The following OR6B1 variants were observed in gnomAD, a reference collection of about 807,000 sequenced individuals.
OR6B1 encodes olfactory receptor family 6 subfamily B member 1.
A neutral mutation model predicts 15.4 loss-of-function variants in OR6B1; 15 were observed. The ratio of observed to expected loss-of-function variants is 0.97; its 90% CI spans 0.65 to 1.50. The LOEUF (loss-of-function observed/expected upper bound fraction) is 1.50, where lower values mean the gene tolerates loss of function less well. Ranked by LOEUF, OR6B1 falls within the 40% of genes most tolerant of loss-of-function variation. OR6B1 has a pLI of 0.00. For missense variants in OR6B1, 384 were observed against 385.0 expected, an observed-to-expected ratio of 1.00 and a Z score of 0.02; for synonymous variants, 139 against 144.9, an observed-to-expected ratio of 0.96 and a Z score of 0.29.
rs1174070438 is a variant in OR6B1, at chr7:144,007,061, A to G, written c.*2129A>G. The G allele has an allele frequency of 6.6e-6, 1 of 152,228 alleles. No homozygotes were observed. Among genetic ancestry groups the G allele is most frequent in the African/African-American group, 2.4e-5 (1 of 41,454 alleles). 9.4% of individuals were successfully genotyped at this position (152,228 alleles called of 1,614,324 possible). ...ACTCCACATACTATAGTTATAGTTA[A>G]CCTGGGAGGCTACAACTATCAGAGG... On this transcript the variant is annotated 3_prime_UTR_variant, in exon 2 of 2. Coordinates refer to ENST00000641698, the MANE Select transcript of OR6B1 (RefSeq NM_001005281.3).
At chr7:144,003,773 TCA>T (rs766413477) in intron 1 of OR6B1, among the ~76,000 whole-genome samples, 197 bp from the exon 2 acceptor site, 3,102 of 139,976 alleles carry the variant, frequency 0.022, 65 homozygotes, top group African/African-American at 0.052. Flanking sequence ...ACAGATACAA[TCA>T]CACACACACA....
intron 1 of OR6B1, 111 bp from the exon 2 acceptor site, chr7:144,003,861 G>C (rs1455809808): frequency 1.6e-6 from 1 of 640,130 alleles, no homozygotes; most frequent in African/African-American, 1.8e-5. Flanking sequence ...CCAGTTCATG[G>C]TCTGACCTGT....
chr7:144,003,835 T>A (rs908008501), intron 1 of OR6B1, 137 bp from the exon 2 acceptor site: 4 of 600,244 alleles, frequency 6.7e-6, no homozygotes, highest in Non-Finnish European at 1.2e-5. Context: ...TAAATTACGT[T>A]GTGTGCCTCA....
rs907387183 is a variant in OR6B1 at position 144,003,135 on chromosome 7, T to C, written c.-25-837T>C. On this transcript the variant is annotated intron_variant, in intron 1 of 1. Transcript: ENST00000641698. ...AATGAGCCCATGTTTACTTTGCTCA[T>C]GGCTTTGCCTTGGATCACAGCAGAT... Among the ~76,000 whole-genome samples the C allele has an allele frequency of 4.6e-5, 7 of 152,334 alleles. No individual in the cohort carries two copies. In the South Asian group the frequency reaches 8.3e-4, roughly 18 times the overall value.
Position 144,005,107 on chromosome 7 carries a change from G to C in OR6B1, c.*175G>C, listed in dbSNP as rs1563012861. ...TCTGTGCATATGGTCAGTGCTCTAA[G>C]GCCATACACCTTCTAGAGAGCTAGA... On this transcript the variant is annotated 3_prime_UTR_variant, in exon 2 of 2. Transcript: ENST00000641698. The C allele has an allele frequency of 1.7e-6, 1 of 578,940 alleles. No homozygotes were observed. Among genetic ancestry groups the C allele is most frequent in the Non-Finnish European group, 3.0e-6 (1 of 329,576 alleles). 35.9% of individuals were successfully genotyped at this position (578,940 alleles called of 1,614,324 possible).
chr7:144,004,608 G>A lies in OR6B1; in HGVS notation c.612G>A (p.Leu204=). The A allele has an allele frequency of 6.2e-7, 1 of 1,614,180 alleles. No homozygotes were observed. Among genetic ancestry groups the A allele is most frequent in the Non-Finnish European group, 8.5e-7 (1 of 1,180,030 alleles). ...ITELVDFILA[L]VIFLFPLFIT... is the part of the protein sequence containing the mutation. Reference sequence around the variant, plus strand: ...AGTTGGTAGACTTTATCCTGGCACTGGTCATCTTCCTATTCCCACTCTTTA... The same window carrying A: ...AGTTGGTAGACTTTATCCTGGCACTAGTCATCTTCCTATTCCCACTCTTTA... The change falls in exon 2 of 2, where the codon CTG becomes CTA. Residue 204 remains leucine (L), a synonymous_variant. Coordinates refer to ENST00000641698, the MANE Select transcript of OR6B1 (RefSeq NM_001005281.3).
rs10245538 is a variant in OR6B1 at position 144,008,441 on chromosome 7, T to C, written c.*3509T>C. The C allele has an allele frequency of 0.41, 62,984 of 151,988 alleles. 13,825 individuals carry two copies. Among genetic ancestry groups the C allele is most frequent in the East Asian group, 0.58 (2,985 of 5,150 alleles). 9.4% of individuals were successfully genotyped at this position (151,988 alleles called of 1,614,324 possible). A position where few individuals can be genotyped will look rare whatever the true frequency, so the allele number is the denominator to read the frequency against. Reference sequence around the variant, plus strand: ...TATGTTTGAGGGACATTGAAGAGACTGAGCAGCCAGAGCAGTGAGAAAAGG... The same window carrying C: ...TATGTTTGAGGGACATTGAAGAGACCGAGCAGCCAGAGCAGTGAGAAAAGG... On this transcript the variant is annotated 3_prime_UTR_variant, in exon 2 of 2. Coordinates refer to ENST00000641698, the MANE Select transcript of OR6B1 (RefSeq NM_001005281.3).
chr7:144,003,042 T>C (rs1367630477), intron 1 of OR6B1, among the ~76,000 whole-genome samples: 1 of 152,146 alleles, frequency 6.6e-6, no homozygotes, highest in Non-Finnish European at 1.5e-5. Context: ...TCTATCTTTG[T>C]TTGCTTGTCT....
rs1439550593 is a variant in OR6B1, at chr7:144,006,606, G to T, written c.*1674G>T. The T allele has an allele frequency of 6.6e-6, 1 of 152,096 alleles. No individual in the cohort carries two copies. 9.4% of individuals were successfully genotyped at this position (152,096 alleles called of 1,614,324 possible). A position where few individuals can be genotyped will look rare whatever the true frequency, so the allele number is the denominator to read the frequency against. On this transcript the variant is annotated 3_prime_UTR_variant, in exon 2 of 2. Coordinates refer to ENST00000641698, the MANE Select transcript of OR6B1 (RefSeq NM_001005281.3). Reference sequence around the variant, plus strand: ...ATTTAAAATCTAGACACACAAAAAAGAGATTATTTTCTGAAAACTTCAAAT... The same window carrying T: ...ATTTAAAATCTAGACACACAAAAAATAGATTATTTTCTGAAAACTTCAAAT...
intron 1 of OR6B1, among the ~76,000 whole-genome samples, chr7:144,003,720 GTTAC>G (rs2050599427): frequency 6.6e-6 from 1 of 151,132 alleles, no homozygotes; most frequent in African/African-American, 2.4e-5. Flanking sequence ...AACGTGGTCA[GTTAC>G]TTAATTCCTC....
Position 144,004,639 on chromosome 7 carries a change from G to A in OR6B1, c.643G>A (p.Val215Ile). 6.2e-7 allele frequency: 1 copy of A among 1,614,128 alleles called. No individual in the cohort carries two copies. The highest frequency in any genetic ancestry group is 8.5e-7 in the Non-Finnish European group (1 of 1,180,014). ...CTTCCTATTCCCACTCTTTATTACT[G>A]TCCTGTCCTACGGATGCATTCTGGC... is the stretch of plus-strand genomic sequence containing the variant. ...VIFLFPLFIT[V>I]LSYGCILATI... The change falls in exon 2 of 2, where the codon GTC becomes ATC. Residue 215 changes from valine to isoleucine, a missense_variant. Coordinates refer to ENST00000641698, the MANE Select transcript of OR6B1 (RefSeq NM_001005281.3).
rs2050629913 is a variant in OR6B1, at chr7:144,007,092, T to C, written c.*2160T>C. ...GAGGCTACAACTATCAGAGGCAGTT[T>C]ATTTCTTTATTATTTCTCATGAATA... On this transcript the variant is annotated 3_prime_UTR_variant, in exon 2 of 2. Transcript: ENST00000641698. 6.6e-6 allele frequency: 1 copy of C among 152,216 alleles called. No homozygotes were observed. Among genetic ancestry groups the C allele is most frequent in the African/African-American group, 2.4e-5 (1 of 41,454 alleles). 9.4% of individuals were successfully genotyped at this position (152,216 alleles called of 1,614,324 possible).
chr7:144,003,847 G>A (rs1055973562), intron 1 of OR6B1, 125 bp from the exon 2 acceptor site: 46 of 597,360 alleles, frequency 7.7e-5, no homozygotes, highest in Middle Eastern at 4.5e-4. Flanking sequence ...TGTGCCTCAC[G>A]TACCCAGTTC....
chr7:144,007,674 T>C lies in OR6B1; in HGVS notation c.*2742T>C. ...CAGAAACAGATAGCAGATAATACCT[T>C]TGTGTGTGTGTGTGTGTGTGTGTAT... On this transcript the variant is annotated 3_prime_UTR_variant, in exon 2 of 2. Transcript: ENST00000641698. The C allele has an allele frequency of 6.7e-6, 1 of 149,844 alleles. No homozygotes were observed. Among genetic ancestry groups the C allele is most frequent in the East Asian group, 2.0e-4 (1 of 5,128 alleles). 9.3% of individuals were successfully genotyped at this position (149,844 alleles called of 1,614,324 possible). A position where few individuals can be genotyped will look rare whatever the true frequency, so the allele number is the denominator to read the frequency against.
At position 144,004,881 on chromosome 7, in the gene OR6B1, C is replaced by A. The variant is rs377536793; in HGVS notation, c.885C>A (p.Val295=). Residue 295 remains valine (V), a synonymous_variant, in exon 2 of 2, where the codon GTC becomes GTA. Transcript: ENST00000641698. ...TTTATTGCCTAAGAAACCGAGAGGT[C>A]AAGGAAGCTCTGAAGAAACTGGCAT... The part of the protein sequence containing the change: ...PFIYCLRNRE[V]KEALKKLAYC... The A allele has an allele frequency of 1.2e-4, 191 of 1,610,714 alleles. No individual in the cohort carries two copies. Among genetic ancestry groups the A allele is most frequent in the Admixed American group, 4.0e-4 (24 of 59,874 alleles).
In OR6B1 at chr7:144,008,782, T is replaced by C. The variant is rs2050642137; in HGVS notation, c.*3850T>C. 1.3e-5 allele frequency: 2 copies of C among 152,218 alleles called. No homozygotes were observed. Among genetic ancestry groups the C allele is most frequent in the Non-Finnish European group, 2.9e-5 (2 of 68,044 alleles). The allele number at this position is 152,218 out of a possible 1,614,324, so 9.4% of individuals were successfully genotyped here. On this transcript the variant is annotated 3_prime_UTR_variant, in exon 2 of 2. Transcript: ENST00000641698. ...GTGGAACTGTAAGTCAATTAAACGTTTTTAAAGTAAATTACCCAGTCTTGG... is the reference window on the plus strand; with the variant it reads ...GTGGAACTGTAAGTCAATTAAACGTCTTTAAAGTAAATTACCCAGTCTTGG...
chr7:144,004,133 T>A lies in OR6B1; in HGVS notation c.137T>A (p.Ile46Asn), dbSNP rs1302058479. ...ACAGTGGCTGAAAACGTGATCATCA[T>A]CCTATTGGTGCTGCAAAATCGGCCA... is the stretch of plus-strand genomic sequence containing the variant. Reference protein sequence around the residue: ...ILTVAENVIIILLVLQNRPLH... With the variant: ...ILTVAENVIINLLVLQNRPLH... Residue 46 changes from isoleucine to asparagine, a missense_variant, in exon 2 of 2, where the codon ATC becomes AAC. Ile to Asn is a moderately radical substitution (Grantham distance 149). Transcript: ENST00000641698. 6.2e-7 allele frequency: 1 copy of A among 1,614,022 alleles called. No individual in the cohort carries two copies. The highest frequency in any genetic ancestry group is 2.2e-5 in the East Asian group (1 of 44,894).
intron 1 of OR6B1, among the ~76,000 whole-genome samples, chr7:144,002,340 GA>G (rs2050589485): frequency 6.6e-6 from 1 of 152,190 alleles, no homozygotes; most frequent in Non-Finnish European, 1.5e-5. Flanking sequence ...ATTATTATTA[GA>G]AGATTTTCTG....
chr7:144,001,881 A>AC (rs2050586610), intron 1 of OR6B1, among the ~76,000 whole-genome samples: 4 of 111,646 alleles, frequency 3.6e-5, no homozygotes, highest in Admixed American at 3.2e-4. Flanking sequence ...ATATCCAATC[A>AC]TTATTCTCAG....
Sources: allele counts gnomAD v4.1 joint callset (sites outside exome capture counted in the v4.1 genomes callset), GRCh38; gene constraint gnomAD v4.1.1; transcripts MANE v1.5; gene names NCBI Gene and HGNC (gene_info 2026-07-23, HGNC 2026-07-21).